ZNF454: variants seen among roughly 807,000 people sequenced by gnomAD.
The protein encoded by ZNF454 is zinc finger protein 454.
Under a neutral mutation model 48.2 loss-of-function variants are expected in ZNF454, and 30 were observed. The observed-to-expected ratio is 0.62, with a 90% CI of 0.47 to 0.84. The LOEUF (loss-of-function observed/expected upper bound fraction) is 0.84. Among genes scored for constraint, ZNF454 ranks in the 40% least tolerant of loss-of-function variants. The probability of loss-of-function intolerance (pLI) is 0.00; values close to 1 mark genes in which losing one functional copy is unlikely to be tolerated. For missense variants in ZNF454, 510 were observed against 623.1 expected (o/e 0.82, Z 1.93); for synonymous variants, 204 against 211.4 (o/e 0.97, Z 0.30).
At chr5:178,981,687 G>T in the ZNF454 span, 3 of 1,613,998 alleles carry the variant, frequency 1.9e-6, no homozygotes, top group East Asian at 2.2e-5. The surrounding 1 kb of genome is among the most constrained non-coding windows in gnomAD (Gnocchi z 5.1). Context: ...CCTCGCCCTT[G>T]GGTGGGGCTG....
chr5:178,982,991 G>A, the ZNF454 span: 140 of 1,614,050 alleles, frequency 8.7e-5, no homozygotes, highest in South Asian at 8.9e-4. Flanking sequence ...TGGTGAAGCC[G>A]ATGGGCTTGG....
chr5:178,954,150 C>T (rs1002055888), intron 4 of ZNF454, among the ~76,000 whole-genome samples: 15 of 152,124 alleles, frequency 9.9e-5, no homozygotes, highest in Admixed American at 2.6e-4. Context: ...CCCAGCTACT[C>T]GGAAGACTGA....
At chr5:178,963,187 C>G (rs571991168) in intron 4 of ZNF454, among the ~76,000 whole-genome samples, 22 of 151,838 alleles carry the variant, frequency 1.4e-4, no homozygotes, top group Non-Finnish European at 3.1e-4. Flanking sequence ...GCCTGGGTGA[C>G]ATCTGATGCC....
At chr5:178,985,829 T>A in the ZNF454 span, 2 of 535,452 alleles carry the variant, frequency 3.7e-6, no homozygotes, top group African/African-American at 1.9e-5. Flanking sequence ...TGGTGCGATC[T>A]TGGCTCACAG....
chr5:178,972,792 G>C, the ZNF454 span, among the ~76,000 whole-genome samples: 1 of 152,116 alleles, frequency 6.6e-6, no homozygotes, highest in African/African-American at 2.4e-5. Context: ...AGATGTGGGG[G>C]AAGGGCAGGC....
chr5:178,942,836 T>C lies in ZNF454; in HGVS notation c.33+12T>C. On this transcript the variant is annotated intron_variant, in intron 2 of 4. Coordinates refer to ENST00000519564, the MANE Select transcript of ZNF454 (RefSeq NM_001178089.3). ...CAACCATGGTCCAGGTGAGTGGGGG[T>C]TTCTTCCCCCTAAATTGCTTTCTGG... 1 of 1,609,920 alleles carries C rather than the reference T, an allele frequency of 6.2e-7. No homozygotes were observed. Among genetic ancestry groups the C allele is most frequent in the Non-Finnish European group, 8.5e-7 (1 of 1,178,298 alleles).
intron 4 of ZNF454, among the ~76,000 whole-genome samples, chr5:178,961,836 A>T (rs1760022907): frequency 6.6e-6 from 1 of 150,422 alleles, no homozygotes; most frequent in Non-Finnish European, 1.5e-5. Context: ...AAAAAAAATT[A>T]ACAGCATTTT....
At chr5:178,989,211 A>AGCCCCCCCC in the ZNF454 span, 1 of 121,738 alleles carries the variant, frequency 8.2e-6, no homozygotes, top group Non-Finnish European at 1.3e-5. Flanking sequence ...CCCCCTCCCC[A>AGCCCCCCCC]CCCTCACCAC....
downstream of ZNF454, chr5:178,968,810 C>T: frequency 2.2e-6 from 1 of 456,758 alleles, no homozygotes; most frequent in South Asian, 1.5e-5. Context: ...AGAACTACCA[C>T]TACTTGGTAT....
chr5:178,989,474 G>A, the ZNF454 span: 1 of 1,599,412 alleles, frequency 6.3e-7, no homozygotes, highest in Non-Finnish European at 8.6e-7. Context: ...GTGTCTCTCT[G>A]CCACTTGCTC....
chr5:178,942,435 G>T (rs1196126912), intron 1 of ZNF454: 6 of 224,818 alleles, frequency 2.7e-5, no homozygotes, highest in African/African-American at 1.4e-4. Flanking sequence ...GAATTCTCTT[G>T]AGATCGCTCA....
At chr5:178,962,958 A>G (rs1760045220) in intron 4 of ZNF454, among the ~76,000 whole-genome samples, 2 of 151,766 alleles carry the variant, frequency 1.3e-5, no homozygotes, top group Non-Finnish European at 2.9e-5. Context: ...GCCCTGCAGG[A>G]GTCCCGGCTG....
chr5:178,961,071 C>T (rs1401435562), intron 4 of ZNF454, among the ~76,000 whole-genome samples: 5 of 151,316 alleles, frequency 3.3e-5, no homozygotes, highest in Non-Finnish European at 7.4e-5. Context: ...GCTGGGATTA[C>T]AGGTGCGTGC....
At chr5:178,986,772 A>G in the ZNF454 span, 4 of 1,610,178 alleles carry the variant, frequency 2.5e-6, no homozygotes, top group African/African-American at 1.3e-5. Context: ...CACAAAACAC[A>G]GGCTGGGGCG....
At chr5:178,989,844 G>A in the ZNF454 span, 1 of 298,166 alleles carries the variant, frequency 3.4e-6, no homozygotes, top group East Asian at 8.5e-5. Flanking sequence ...AGGGAATGGT[G>A]GAACAAAGGA....
downstream of ZNF454, among the ~76,000 whole-genome samples, chr5:178,968,528 A>G (rs1404002211): frequency 1.3e-5 from 2 of 152,142 alleles, no homozygotes; most frequent in East Asian, 1.9e-4. Flanking sequence ...TTTCTTCCCT[A>G]TTAAGCTGCA....
downstream of ZNF454, among the ~76,000 whole-genome samples, chr5:178,967,337 C>G (rs144759775): frequency 6.6e-6 from 1 of 152,328 alleles, no homozygotes; most frequent in African/African-American, 2.4e-5. Context: ...TCTCAGAATG[C>G]TCTGACCCAC....
At chr5:178,986,948 C>G in the ZNF454 span, 33 of 1,613,896 alleles carry the variant, frequency 2.0e-5, no homozygotes, top group African/African-American at 4.0e-5. Context: ...GGCGCATCTC[C>G]GTTCTCGTTG....
the ZNF454 span, chr5:178,981,678 C>T: frequency 3.1e-6 from 5 of 1,613,860 alleles, no homozygotes; most frequent in African/African-American, 4.0e-5. The surrounding 1 kb of genome is among the most constrained non-coding windows in gnomAD (Gnocchi z 5.1). Flanking sequence ...CCTCTGCATC[C>T]TCGCCCTTGG....
Sources: allele counts gnomAD v4.1 joint callset (sites outside exome capture counted in the v4.1 genomes callset), GRCh38; gene constraint gnomAD v4.1.1; non-coding constraint Gnocchi (gnomAD v3.1); transcripts MANE v1.5; gene names NCBI Gene and HGNC (gene_info 2026-07-23, HGNC 2026-07-21).